The following DNAH6 variants were observed in gnomAD, a reference collection of about 807,000 sequenced individuals.
The protein encoded by DNAH6 is dynein axonemal heavy chain 6.
DNAH6 carries 340 observed loss-of-function variants against 491.4 expected under a neutral mutation model. The ratio of observed to expected loss-of-function variants is 0.69; its 90% CI spans 0.63 to 0.76. The LOEUF (loss-of-function observed/expected upper bound fraction) is 0.76, where lower values mean the gene tolerates loss of function less well. DNAH6 is among the 30% of genes least tolerant of loss of function. DNAH6 has a pLI of 0.00. For synonymous variants in DNAH6, 1,603 were observed against 1,686.1 expected, an observed-to-expected ratio of 0.95 and a Z score of 1.21; for missense variants, 4,443 against 4,972.2, an observed-to-expected ratio of 0.89 and a Z score of 3.20.
chr2:84,559,304 C>G (rs1424915296), intron 11 of DNAH6, among the ~76,000 whole-genome samples: 1 of 151,896 alleles, frequency 6.6e-6, no homozygotes, highest in Non-Finnish European at 1.5e-5. Flanking sequence ...GGGGAGGAAA[C>G]AAGGTTAAAA....
chr2:84,697,437 T>G, intron 46 of DNAH6, 138 bp from the exon 47 acceptor site: 1 of 952,908 alleles, frequency 1.0e-6, no homozygotes, highest in Non-Finnish European at 1.5e-6. Flanking sequence ...TGTTAGAACT[T>G]CAGGGTTCCA....
chr2:84,529,783 G>C (rs536122494), intron 4 of DNAH6, among the ~76,000 whole-genome samples: 1 of 152,058 alleles, frequency 6.6e-6, no homozygotes, highest in African/African-American at 2.4e-5. Flanking sequence ...TTCTTGAGAT[G>C]GTCTTTTCTT....
At chr2:84,481,170 G>A in the DNAH6 span, among the ~76,000 whole-genome samples, 2 of 152,146 alleles carry the variant, frequency 1.3e-5, no homozygotes, top group Non-Finnish European at 2.9e-5. Context: ...AGACATGCCA[G>A]GCAGATAGCT....
At chr2:84,560,701 C>T (rs1680578277) in intron 11 of DNAH6, among the ~76,000 whole-genome samples, 1 of 151,912 alleles carries the variant, frequency 6.6e-6, no homozygotes, top group Non-Finnish European at 1.5e-5. Flanking sequence ...TGAGTGAGAA[C>T]ATGTGGTGTT....
At chr2:84,583,074 A>G (rs1683193493) in intron 14 of DNAH6, among the ~76,000 whole-genome samples, 1 of 152,234 alleles carries the variant, frequency 6.6e-6, no homozygotes, top group African/African-American at 2.4e-5. Context: ...AAACTGGGGT[A>G]TCCCTTGCCA....
At chr2:84,484,311 T>C in the DNAH6 span, among the ~76,000 whole-genome samples, 1 of 152,188 alleles carries the variant, frequency 6.6e-6, no homozygotes, top group South Asian at 2.1e-4. Flanking sequence ...CTTATACTTA[T>C]TTTATAATGT....
chr2:84,805,251 A>G (rs1679311421), intron 70 of DNAH6, among the ~76,000 whole-genome samples: 2 of 152,232 alleles, frequency 1.3e-5, no homozygotes, highest in Non-Finnish European at 2.9e-5. Context: ...ACAGAAAATA[A>G]AATTTCCTTA....
At chr2:84,748,937 G>T (rs1673205407) in intron 63 of DNAH6, among the ~76,000 whole-genome samples, 1 of 152,178 alleles carries the variant, frequency 6.6e-6, no homozygotes, top group Non-Finnish European at 1.5e-5. Context: ...AAAGGCAAAG[G>T]GGGAGCAAAC....
intron 23 of DNAH6, among the ~76,000 whole-genome samples, chr2:84,618,214 G>A (rs911636125): frequency 2.0e-5 from 3 of 152,076 alleles, no homozygotes; most frequent in African/African-American, 7.2e-5. Context: ...CCACTTTGAG[G>A]AAATCTGGAA....
intron 39 of DNAH6, among the ~76,000 whole-genome samples, chr2:84,671,898 T>C (rs1692774614): frequency 6.6e-6 from 1 of 152,232 alleles, no homozygotes; most frequent in Non-Finnish European, 1.5e-5. Context: ...ATATCTAATC[T>C]GGTTTCCCTG....
At chr2:84,631,165 A>G (rs1043346226) in intron 29 of DNAH6, among the ~76,000 whole-genome samples, 1 of 152,202 alleles carries the variant, frequency 6.6e-6, no homozygotes, top group Admixed American at 6.5e-5. Flanking sequence ...TTCACAGACC[A>G]CCAACTACAG....
At chr2:84,685,684 C>T (rs1374827834) in intron 43 of DNAH6, among the ~76,000 whole-genome samples, 2 of 151,928 alleles carry the variant, frequency 1.3e-5, no homozygotes, top group African/African-American at 4.8e-5. Context: ...GGCATGGTGG[C>T]TCATGCCTGT....
intron 33 of DNAH6, among the ~76,000 whole-genome samples, chr2:84,642,962 C>CTTAA (rs1381058561): frequency 1.3e-5 from 2 of 152,144 alleles, no homozygotes; most frequent in African/African-American, 4.8e-5. Flanking sequence ...TTATGCCATG[C>CTTAA]TCTTCCATGC....
intron 21 of DNAH6, 59 bp downstream of exon 21, chr2:84,607,154 A>C (rs1573199425): frequency 1.4e-6 from 2 of 1,447,506 alleles, no homozygotes; most frequent in East Asian, 2.5e-5. Flanking sequence ...CAAGGACCTT[A>C]GAAATTATTT....
chr2:84,748,177 G>A (rs760492057), intron 63 of DNAH6, among the ~76,000 whole-genome samples: 2 of 152,074 alleles, frequency 1.3e-5, no homozygotes, highest in Non-Finnish European at 2.9e-5. Flanking sequence ...CTAGCAAGTG[G>A]TTGTTCTGCA....
chr2:84,707,399 A>T (rs1696578917), intron 53 of DNAH6, 121 bp from the exon 54 acceptor site: 2 of 940,486 alleles, frequency 2.1e-6, no homozygotes, highest in Non-Finnish European at 3.1e-6. Flanking sequence ...TTTCATAGAG[A>T]TGTATTGACA....
In DNAH6 at chr2:84,624,249, T is replaced by A; in HGVS notation, c.4072-16T>A. ...GATATTGGAAAATTCACCATGACAA[T>A]TTTTTTTATTTGTAGAGATTAAATG... On this transcript the variant is annotated splice_polypyrimidine_tract_variant and intron_variant, in intron 26 of 76. Coordinates refer to ENST00000389394, the MANE Select transcript of DNAH6 (RefSeq NM_001370.2). 4 of 1,506,126 alleles carry A rather than the reference T, an allele frequency of 2.7e-6. No individual in the cohort carries two copies. The highest frequency in any genetic ancestry group is 3.6e-6 in the Non-Finnish European group (4 of 1,124,672). The allele number at this position is 1,506,126 out of a possible 1,614,324, so 93.3% of individuals were successfully genotyped here.
chr2:84,780,494 G>C (rs898293610), intron 64 of DNAH6, among the ~76,000 whole-genome samples: 4 of 152,032 alleles, frequency 2.6e-5, no homozygotes, highest in Non-Finnish European at 4.4e-5. Flanking sequence ...GTTCAGTTTT[G>C]TTTTTTCTTC....
intron 4 of DNAH6, among the ~76,000 whole-genome samples, chr2:84,530,351 G>A (rs940312500): frequency 6.6e-6 from 1 of 152,122 alleles, no homozygotes; most frequent in Admixed American, 6.6e-5. Flanking sequence ...ACAAGGACTT[G>A]AAAGAGAATA....
Sources: gnomAD v4.1 joint callset for allele counts (sites outside exome capture counted in the v4.1 genomes callset) on GRCh38, gnomAD v4.1.1 for gene constraint, MANE v1.5 for transcripts, NCBI Gene and HGNC (gene_info 2026-07-23, HGNC 2026-07-21) for gene names.